UBA7: variants seen among roughly 807,000 people sequenced by gnomAD.
UBA7 encodes ubiquitin like modifier activating enzyme 7.
A neutral mutation model predicts 113.0 loss-of-function variants in UBA7; 88 were observed. The ratio of observed to expected loss-of-function variants is 0.78; its 90% CI spans 0.66 to 0.93. The LOEUF (loss-of-function observed/expected upper bound fraction) is 0.93, where lower values mean the gene tolerates loss of function less well. Among genes scored for constraint, UBA7 ranks in the 40% least tolerant of loss-of-function variants. The pLI is 0.00. For synonymous variants in UBA7, 459 were observed against 513.0 expected, an observed-to-expected ratio of 0.89 and a Z score of 1.42; for missense variants, 1,092 against 1,266.4, an observed-to-expected ratio of 0.86 and a Z score of 2.09.
At position 49,813,856 on chromosome 3, in the gene UBA7, C is replaced by T; in HGVS notation, c.-69G>A. The T allele has an allele frequency of 6.4e-7, 1 of 1,568,822 alleles. No individual in the cohort carries two copies. Among genetic ancestry groups the T allele is most frequent in the Non-Finnish European group, 8.7e-7 (1 of 1,148,130 alleles). The stretch of plus-strand genomic sequence containing the variant: ...AGGGTCTTTGTGTAGGTGGCGGTGA[C>T]AGTAGGGGCCAGTGCCCTGCTGTAG... On this transcript the variant is annotated 5_prime_UTR_variant, in exon 1 of 24. Coordinates refer to ENST00000333486, the MANE Select transcript of UBA7 (RefSeq NM_003335.3).
rs561051731 is a variant in UBA7, at chr3:49,807,906, T to C, written c.2545A>G (p.Ile849Val). Reference protein sequence around the residue: ...RAQSKRIVGQIIPAIATTTAA... With the variant: ...RAQSKRIVGQVIPAIATTTAA... ...GTAGTGGTGGCAATGGCTGGGATAA[T>C]CTGGCCCACAATTCGCTTGCTCTGC... Residue 849 changes from isoleucine to valine, a missense_variant, in exon 21 of 24, where the codon ATT (isoleucine) becomes GTT (valine). Physicochemically the swap from Ile to Val is conservative, Grantham distance 29 (BLOSUM62 3). Transcript: ENST00000333486. This position sits in a 1 kb window ranked among gnomAD's most constrained non-coding sequence, Gnocchi z 4.0. 4.0e-5 allele frequency: 64 copies of C among 1,612,428 alleles called. 1 individual carries two copies. In the Admixed American group the frequency reaches 1.1e-3, roughly 26 times the overall value.
rs192319446 is a variant in UBA7 at position 49,806,203 on chromosome 3, C to T, written c.2716-38G>A. 6,722 of 1,525,288 alleles carry T rather than the reference C, an allele frequency of 4.4e-3. 24 individuals are homozygous for T. Among genetic ancestry groups the T allele is most frequent in the Non-Finnish European group, 5.3e-3 (5,924 of 1,124,270 alleles). The allele number at this position is 1,525,288 out of a possible 1,614,324, so 94.5% of individuals were successfully genotyped here. ...AGAGGAGGAGTCAGAGACTTCTTAC[C>T]TCCCCCCAACCCCCATCCCAGTTAC... On this transcript the variant is annotated intron_variant, in intron 21 of 23. Coordinates refer to ENST00000333486, the MANE Select transcript of UBA7 (RefSeq NM_003335.3).
Position 49,813,717 on chromosome 3 carries a change from C to A in UBA7, c.56+15G>T, listed in dbSNP as rs771441813. 21 of 1,614,150 alleles carry A rather than the reference C, an allele frequency of 1.3e-5. No homozygotes were observed. The highest frequency in any genetic ancestry group is 3.3e-5 in the Admixed American group (2 of 60,010). On this transcript the variant is annotated intron_variant, in intron 1 of 23. Coordinates refer to ENST00000333486, the MANE Select transcript of UBA7 (RefSeq NM_003335.3). ...GAAGACCATCCCACTCTCCACCCCC[C>A]ACCTCGGGCCTCACAGCTGTCTTGA...
Position 49,807,776 on chromosome 3 carries a change from T to C in UBA7, c.2675A>G (p.Tyr892Cys), listed in dbSNP as rs1356590069. 6 of 1,613,234 alleles carry C rather than the reference T, an allele frequency of 3.7e-6. No homozygotes were observed. The highest frequency in any genetic ancestry group is 1.7e-5 in the Admixed American group (1 of 59,926). The change falls in exon 21 of 24, where the codon TAC (tyrosine) becomes TGC (cysteine). Residue 892 changes from tyrosine (Y) to cysteine (C), a missense_variant. Transcript: ENST00000333486. This position sits in a 1 kb window ranked among gnomAD's most constrained non-coding sequence, Gnocchi z 4.0. The part of the protein sequence containing the change: ...RHSYLHLAEN[Y>C]LIRYMPFAPA... ...GGCAAAAGGCATATAGCGGATGAGG[T>C]AGTTTTCAGCCAGATGTAGGTAGCT... is the stretch of plus-strand genomic sequence containing the variant.
chr3:49,809,814 C>T lies in UBA7; in HGVS notation c.1904+1G>A, dbSNP rs2081514117. On this transcript the variant is annotated splice_donor_variant, in intron 15 of 23. Coordinates refer to ENST00000333486, the MANE Select transcript of UBA7 (RefSeq NM_003335.3). LOFTEE classifies it high-confidence loss of function. ...CCATCTGCCTCTGTTGGTGGCCTTA[C>T]TGTTGGTGGTGGTTGATGGTCTCTG... 6.2e-7 allele frequency: 1 copy of T among 1,614,062 alleles called. No homozygotes were observed. The highest frequency in any genetic ancestry group is 1.3e-5 in the African/African-American group (1 of 74,928).
intron 18 of UBA7, 73 bp downstream of exon 18, chr3:49,808,903 C>A: frequency 6.5e-7 from 1 of 1,529,764 alleles, no homozygotes; most frequent in South Asian, 1.3e-5. Context: ...CTTCCTTCTG[C>A]AGCACAGGCT....
Position 49,811,436 on chromosome 3 carries a change from AC to A in UBA7, c.958del (p.Val320TrpfsTer10). On this transcript the variant is annotated frameshift_variant, in exon 9 of 24. Transcript: ENST00000333486. LOFTEE classifies it high-confidence loss of function. Reference protein sequence around the residue: ...PWDPVDAETVVGLARDLEPLK... With the variant: ...PWDPVDAETVXGLARDLEPLK... ...TGGTTCCAGGTCCCGGGCCAGGCCC[AC>A]CACAGTCTCTGCATCAACCTGTTGG... 3 of 1,585,144 alleles carry A rather than the reference AC, an allele frequency of 1.9e-6. No individual in the cohort carries two copies. In the South Asian group the frequency reaches 3.4e-5, roughly 18 times the overall value.
In UBA7 at chr3:49,805,388, GC is replaced by G; in HGVS notation, c.2958del (p.Gln987SerfsTer6). The G allele has an allele frequency of 6.2e-7, 1 of 1,613,836 alleles. No homozygotes were observed. Among genetic ancestry groups the G allele is most frequent in the Admixed American group, 1.7e-5 (1 of 59,982 alleles). ...CTCAGCTCTAGCACCAACACCCGCTGCCCAGGAGCAGGTGCCTGGCCTGTCA... is the reference window on the plus strand; with the variant it reads ...CTCAGCTCTAGCACCAACACCCGCTGCCAGGAGCAGGTGCCTGGCCTGTCA... The part of the protein sequence containing the change: ...QQLTGQAPAP[G>X]QRVLVLELSC... On this transcript the variant is annotated frameshift_variant, in exon 24 of 24. Coordinates refer to ENST00000333486, the MANE Select transcript of UBA7 (RefSeq NM_003335.3). LOFTEE classifies it high-confidence loss of function.
rs1219779042 is a variant in UBA7, at chr3:49,808,298, C to G, written c.2430+88G>C. The G allele has an allele frequency of 1.5e-5, 24 of 1,569,132 alleles. No homozygotes were observed. In the East Asian group the frequency reaches 5.4e-4, roughly 35 times the overall value. The stretch of plus-strand genomic sequence containing the variant: ...CAGGGTCTTGCTGGGAGAATTCAGG[C>G]CAAGGGGCTCCAAAACTACCTTATT... On this transcript the variant is annotated intron_variant, in intron 19 of 23. Transcript: ENST00000333486.
intron 21 of UBA7, chr3:49,806,373 GC>G: frequency 1.7e-6 from 1 of 597,690 alleles, no homozygotes; most frequent in East Asian, 2.8e-5. Context: ...GGGCTATGGG[GC>G]CCGCACAGGG....
Position 49,810,596 on chromosome 3 carries a change from C to T in UBA7, c.1388G>A (p.Gly463Asp). 1 of 1,614,086 alleles carries T rather than the reference C, an allele frequency of 6.2e-7. No homozygotes were observed. The highest frequency in any genetic ancestry group is 8.5e-7 in the Non-Finnish European group (1 of 1,180,006). ...LVGLGAGNSG[G>D]LTVVDMDHIE... ...GTGGTCCATGTCAACAACAGTCAAGCCCCCGCTGTTCCCGGCCCCCAGTCC... is the reference window on the plus strand; with the variant it reads ...GTGGTCCATGTCAACAACAGTCAAGTCCCCGCTGTTCCCGGCCCCCAGTCC... The change falls in exon 12 of 24, where the codon GGC (glycine) becomes GAC (aspartate). Residue 463 changes from glycine (G) to aspartate (D), a missense_variant. Physicochemically the swap from Gly to Asp is moderately conservative, Grantham distance 94. This residue lies in a region of UBA7 where 584 missense variants were observed against 714.5 expected (regional missense o/e 0.82). Transcript: ENST00000333486. The surrounding 1 kb of genome is among the most constrained non-coding windows in gnomAD (Gnocchi z 5.6).
intron 23 of UBA7, 26 bp downstream of exon 23, chr3:49,805,871 C>T (rs2081439543): frequency 4.5e-6 from 7 of 1,545,238 alleles, no homozygotes; most frequent in Non-Finnish European, 6.1e-6. Context: ...CTGGTGGGGC[C>T]TGTCTAAAGC....
chr3:49,808,333 C>A (rs956805045), intron 19 of UBA7, 53 bp downstream of exon 19: 4 of 1,609,698 alleles, frequency 2.5e-6, no homozygotes, highest in African/African-American at 1.3e-5. Flanking sequence ...TAGCTCCTGA[C>A]CTTTCTCCAC....
At chr3:49,808,614 A>C (rs529901000) in intron 18 of UBA7, 146 bp from the exon 19 acceptor site, 5 of 848,522 alleles carry the variant, frequency 5.9e-6, no homozygotes, top group African/African-American at 1.7e-5. Context: ...TAATGCTACA[A>C]TCTCCCCTCT....
In UBA7 at chr3:49,813,096, A is replaced by C. The variant is rs2081575600; in HGVS notation, c.433T>G (p.Cys145Gly). 7.4e-6 allele frequency: 12 copies of C among 1,613,966 alleles called. No individual in the cohort carries two copies. Among genetic ancestry groups the C allele is most frequent in the African/African-American group, 1.3e-5 (1 of 74,926 alleles). Residue 145 changes from cysteine to glycine, a missense_variant, in exon 4 of 24, where the codon TGC (cysteine) becomes GGC (glycine). Cys to Gly is a radical substitution (Grantham distance 159). Transcript: ENST00000333486. ...CCCCGGGTGTCAGCCGCCAGAAAGC[A>C]AACTCCATGCTTATGACACAAGGTG... ...VGTLCHKHGV[C>G]FLAADTRGLV...
In UBA7 at chr3:49,812,971, G is replaced by A. The variant is rs2081572877; in HGVS notation, c.467+91C>T. On this transcript the variant is annotated intron_variant, in intron 4 of 23. Coordinates refer to ENST00000333486, the MANE Select transcript of UBA7 (RefSeq NM_003335.3). ...TGCTGGGATAGACCTGAGGCTGGTT[G>A]GAGGGGCACTGGAGCAAGCCTGGAG... 2.8e-6 allele frequency: 4 copies of A among 1,431,794 alleles called. No individual in the cohort carries two copies. In the African/African-American group the frequency reaches 4.2e-5, roughly 15 times the overall value. The allele number at this position is 1,431,794 out of a possible 1,614,324, so 88.7% of individuals were successfully genotyped here.
At chr3:49,808,930 C>A (rs1420846752) in intron 18 of UBA7, 46 bp downstream of exon 18, 4 of 1,593,876 alleles carry the variant, frequency 2.5e-6, no homozygotes, top group Non-Finnish European at 2.6e-6. Context: ...AGGACAGGTT[C>A]AGGCCTTTGA....
In UBA7 at chr3:49,813,552, A is replaced by C; in HGVS notation, c.152T>G (p.Leu51Trp). Residue 51 changes from leucine to tryptophan, a missense_variant, in exon 2 of 24, where the codon TTG becomes TGG. By Grantham distance (61) the Leu-to-Trp change is moderately conservative. Around this residue, in one of 3 missense-constraint regions of UBA7, gnomAD observed 584 missense variants for 714.5 expected, o/e 0.82. Transcript: ENST00000333486. ...QGLGAEVAKN[L>W]VLMGVGSLTL... ...GAGGCTGCCCACACCCATCAGAACCAAGTTCTTGGCCACCTCGGCCCCCAG... is the reference window on the plus strand; with the variant it reads ...GAGGCTGCCCACACCCATCAGAACCCAGTTCTTGGCCACCTCGGCCCCCAG... 1 of 1,613,864 alleles carries C rather than the reference A, an allele frequency of 6.2e-7. No homozygotes were observed.
Position 49,809,014 on chromosome 3 carries a change from G to A in UBA7, c.2309C>T (p.Ala770Val). ...PDPQQMAPIF[A>V]SNLELASASA... ...AGCCGAAGCCAGCTCTAGATTACTA[G>A]CAAAGATGGGGGCCATCTGTTGGGG... The change falls in exon 18 of 24, where the codon GCT (alanine) becomes GTT (valine). Residue 770 changes from alanine (A) to valine (V), a missense_variant. By Grantham distance (64) the Ala-to-Val change is moderately conservative. Coordinates refer to ENST00000333486, the MANE Select transcript of UBA7 (RefSeq NM_003335.3). 1 of 1,613,912 alleles carries A rather than the reference G, an allele frequency of 6.2e-7. No homozygotes were observed. Among genetic ancestry groups the A allele is most frequent in the Non-Finnish European group, 8.5e-7 (1 of 1,180,018 alleles).
Sources: allele counts gnomAD v4.1 joint callset, GRCh38; gene constraint gnomAD v4.1.1; regional missense constraint gnomAD v4.1.1; non-coding constraint Gnocchi (gnomAD v3.1); transcripts MANE v1.5; gene names NCBI Gene and HGNC (gene_info 2026-07-23, HGNC 2026-07-21).